Variants in LRRIQ3 observed in about 807,000 individuals in gnomAD.
LRRIQ3 encodes the protein leucine rich repeats and IQ motif containing 3, also known as leucine-rich repeat and IQ domain-containing protein 3.
Under a neutral mutation model 59.3 loss-of-function variants are expected in LRRIQ3, and 75 were observed. The ratio of observed to expected loss-of-function variants is 1.26; its 90% CI spans 1.05 to 1.53. The LOEUF (loss-of-function observed/expected upper bound fraction) is 1.53, where lower values mean the gene tolerates loss of function less well. Ranked by LOEUF, LRRIQ3 falls within the 40% of genes most tolerant of loss-of-function variation. The pLI is 0.00. For synonymous variants in LRRIQ3, 250 were observed against 231.3 expected (o/e 1.08, Z -0.73); for missense variants, 831 against 710.0 (o/e 1.17, Z -1.94).
At chr1:74,164,935 A>G (rs1648885005) in intron 3 of LRRIQ3, among the ~76,000 whole-genome samples, 1 of 151,540 alleles carries the variant, frequency 6.6e-6, no homozygotes, top group Non-Finnish European at 1.5e-5. Flanking sequence ...TTACTTCATC[A>G]AATTACATTT....
At position 74,041,471 on chromosome 1, in the gene LRRIQ3, C is replaced by T. The variant is rs1654042438; in HGVS notation, c.1460G>A (p.Trp487Ter). The T allele has an allele frequency of 8.7e-6, 14 of 1,613,472 alleles. No homozygotes were observed. The highest frequency in any genetic ancestry group is 1.1e-5 in the Non-Finnish European group (13 of 1,179,832). The change falls in exon 7 of 8, where the codon TGG (tryptophan) becomes TAG (stop). Residue 487 changes from tryptophan to a stop codon, truncating the protein, a stop_gained. Transcript: ENST00000354431. LOFTEE classifies it high-confidence loss of function. Reference sequence around the variant, plus strand: ...TTCAAGGTAGTTGAATCTGTTTTGCCAAACTTGTCGTAAACTGTTCTGAAT... The same window carrying T: ...TTCAAGGTAGTTGAATCTGTTTTGCTAAACTTGTCGTAAACTGTTCTGAAT... ...ETIQNSLRQV[W>*]QNRFNYLEKA...
intron 6 of LRRIQ3, among the ~76,000 whole-genome samples, chr1:74,059,201 C>G (rs1022336919): frequency 6.6e-6 from 1 of 151,916 alleles, no homozygotes; most frequent in African/African-American, 2.4e-5. Context: ...ATTTTTTCAA[C>G]TTTGATGTGG....
intron 1 of LRRIQ3, among the ~76,000 whole-genome samples, chr1:74,193,883 T>C (rs575861370): frequency 1.3e-5 from 2 of 152,182 alleles, no homozygotes; most frequent in South Asian, 2.1e-4. Context: ...AAAGTCTTAG[T>C]TTTTAGAAAA....
chr1:74,185,117 T>C (rs1650274302), intron 1 of LRRIQ3, among the ~76,000 whole-genome samples: 1 of 152,170 alleles, frequency 6.6e-6, no homozygotes, highest in Non-Finnish European at 1.5e-5. Flanking sequence ...GCTATAAAAA[T>C]TTATGTGCAG....
intron 5 of LRRIQ3, among the ~76,000 whole-genome samples, chr1:74,103,373 C>A (rs1257175998): frequency 6.6e-6 from 1 of 151,780 alleles, no homozygotes; most frequent in Non-Finnish European, 1.5e-5. Context: ...AAATAAATTG[C>A]ATTACTGGTG....
chr1:74,040,234 G>A (rs575477763), intron 7 of LRRIQ3, among the ~76,000 whole-genome samples: 1 of 152,264 alleles, frequency 6.6e-6, no homozygotes, highest in Non-Finnish European at 1.5e-5. Flanking sequence ...GCAACAAGAA[G>A]AGCTAACTAT....
At position 74,194,786 on chromosome 1, in the gene LRRIQ3, T is replaced by C. The variant is rs563048527; in HGVS notation, c.-1+3210A>G. Among the ~76,000 whole-genome samples, 103 of 152,224 alleles carry C rather than the reference T, an allele frequency of 6.8e-4. 2 individuals carry two copies. Among genetic ancestry groups the C allele is most frequent in the Non-Finnish European group, 2.5e-4 (17 of 68,026 alleles). On this transcript the variant is annotated intron_variant, in intron 1 of 7. Transcript: ENST00000354431. ...CAAAACATTCCTTGGTTAGCTTTCA[T>C]AGAACAGATTTTGGATCTCCTAAAA...
At chr1:74,172,396 A>C (rs553188989) in intron 3 of LRRIQ3, among the ~76,000 whole-genome samples, 74 of 152,058 alleles carry the variant, frequency 4.9e-4, no homozygotes, top group Admixed American at 1.2e-3. Flanking sequence ...GAATTTTCCC[A>C]ATTTCCTTTT....
intron 1 of LRRIQ3, among the ~76,000 whole-genome samples, chr1:74,189,303 C>T (rs1202251018): frequency 6.6e-6 from 1 of 152,138 alleles, no homozygotes; most frequent in Non-Finnish European, 1.5e-5. Flanking sequence ...TCAACTGAAG[C>T]GTCTCCTCAG....
At chr1:74,080,923 A>G (rs577796712) in intron 5 of LRRIQ3, among the ~76,000 whole-genome samples, 10 of 151,714 alleles carry the variant, frequency 6.6e-5, no homozygotes, top group African/African-American at 2.4e-4. Context: ...GCTTTCAATA[A>G]TAAGTACTGG....
intron 4 of LRRIQ3, among the ~76,000 whole-genome samples, chr1:74,133,766 C>T (rs1344290468): frequency 1.3e-5 from 2 of 151,794 alleles, no homozygotes; most frequent in African/African-American, 2.4e-5. Flanking sequence ...ATGTAAATGA[C>T]GAGTTAATGG....
intron 4 of LRRIQ3, among the ~76,000 whole-genome samples, chr1:74,143,284 C>G (rs1009433478): frequency 6.6e-6 from 1 of 151,754 alleles, no homozygotes; most frequent in African/African-American, 2.4e-5. Flanking sequence ...GTTATTGATT[C>G]TTTAATAGTA....
chr1:74,154,058 G>T (rs1306601908), intron 4 of LRRIQ3, among the ~76,000 whole-genome samples: 1 of 151,680 alleles, frequency 6.6e-6, no homozygotes, highest in Non-Finnish European at 1.5e-5. Context: ...TGGCTAACAC[G>T]GTGGAACCCC....
intron 1 of LRRIQ3, among the ~76,000 whole-genome samples, chr1:74,190,104 G>C (rs1164640147): frequency 1.3e-5 from 2 of 152,048 alleles, no homozygotes; most frequent in African/African-American, 4.8e-5. Context: ...GCTACACAAA[G>C]TAAGGTCATA....
At chr1:74,133,625 C>A (rs1045088678) in intron 4 of LRRIQ3, among the ~76,000 whole-genome samples, 5 of 150,746 alleles carry the variant, frequency 3.3e-5, no homozygotes, top group Non-Finnish European at 5.9e-5. Flanking sequence ...AAAAACCAAA[C>A]ACCGCATGTT....
chr1:74,055,315 C>T (rs112551264), intron 6 of LRRIQ3, among the ~76,000 whole-genome samples: 6 of 151,542 alleles, frequency 4.0e-5, no homozygotes, highest in African/African-American at 4.8e-5. Flanking sequence ...TTTTCATCAC[C>T]GTAGAAAGAA....
intron 5 of LRRIQ3, among the ~76,000 whole-genome samples, chr1:74,089,908 A>G (rs1382837643): frequency 1.3e-5 from 2 of 152,088 alleles, no homozygotes; most frequent in Admixed American, 1.3e-4. Flanking sequence ...AAATTATAAC[A>G]AAATGTAAAC....
chr1:74,193,446 C>A (rs1488968745), intron 1 of LRRIQ3, among the ~76,000 whole-genome samples: 1 of 152,072 alleles, frequency 6.6e-6, no homozygotes, highest in African/African-American at 2.4e-5. Context: ...AAATGCACAT[C>A]AGTTATATCT....
chr1:74,165,346 T>C (rs1010108572), intron 3 of LRRIQ3, among the ~76,000 whole-genome samples: 2 of 151,634 alleles, frequency 1.3e-5, no homozygotes, highest in Non-Finnish European at 3.0e-5. Context: ...AAGTATTTCA[T>C]TTCTTTGAAT....
Sources: allele counts gnomAD v4.1 joint callset (sites outside exome capture counted in the v4.1 genomes callset), GRCh38; gene constraint gnomAD v4.1.1; transcripts MANE v1.5; gene names NCBI Gene and HGNC (gene_info 2026-07-23, HGNC 2026-07-21).